OR51B5: variants seen among roughly 807,000 people sequenced by gnomAD.
OR51B5 encodes olfactory receptor 51B5.
For missense variants in OR51B5, 456 were observed against 374.6 expected (o/e 1.22, Z -1.79); for synonymous variants, 186 against 144.8 (o/e 1.28, Z -2.04).
intron 1 of OR51B5, among the ~76,000 whole-genome samples, chr11:5,425,671 T>C (rs1850438140): frequency 6.6e-6 from 1 of 152,214 alleles, no homozygotes; most frequent in African/African-American, 2.4e-5. Context: ...ACTATACTGG[T>C]CATATTTTGT....
chr11:5,501,689 C>T (rs1846292874), intron 1 of OR51B5, among the ~76,000 whole-genome samples: 1 of 148,330 alleles, frequency 6.7e-6, no homozygotes, highest in South Asian at 2.1e-4. Flanking sequence ...CTCACTAATT[C>T]ACTATCCTAT....
upstream of OR51B5, among the ~76,000 whole-genome samples, chr11:5,345,374 A>G (rs1848975531): frequency 6.6e-6 from 1 of 152,086 alleles, no homozygotes; most frequent in African/African-American, 2.4e-5. Context: ...TGAAAAAAAG[A>G]GAAAAATAGA....
intron 1 of OR51B5, chr11:5,402,702 C>T (rs1401001769): frequency 2.1e-6 from 1 of 471,234 alleles, no homozygotes; most frequent in African/African-American, 2.0e-5. Flanking sequence ...CCCCTTCTCC[C>T]TGATATACAT....
At chr11:5,415,535 T>G (rs1484755283) in intron 1 of OR51B5, among the ~76,000 whole-genome samples, 1 of 151,532 alleles carries the variant, frequency 6.6e-6, no homozygotes, top group Non-Finnish European at 1.5e-5. Context: ...CTAGCAAGAC[T>G]AATAAAGAAA....
In OR51B5 at chr11:5,440,846, G is replaced by A. The variant is rs766547926; in HGVS notation, n.84+64723C>T. On this transcript the variant is annotated intron_variant and non_coding_transcript_variant, in intron 1 of 4. Transcript: ENST00000415970. ...ATATGATGACCAGCATGGCTCTCAG[G>A]ATCAATGCGTAGGAAAGCAGGATGA... 8.1e-5 allele frequency: 130 copies of A among 1,613,694 alleles called. 1 individual carries two copies. The highest frequency in any genetic ancestry group is 1.1e-4 in the East Asian group (5 of 44,874).
intron 1 of OR51B5, among the ~76,000 whole-genome samples, chr11:5,465,350 G>C (rs969517303): frequency 1.3e-5 from 2 of 151,460 alleles, no homozygotes; most frequent in African/African-American, 2.4e-5. Context: ...TTCTCTGATG[G>C]CCAGTGATGG....
chr11:5,408,215 C>T (rs1468493637), intron 1 of OR51B5, among the ~76,000 whole-genome samples: 1 of 152,076 alleles, frequency 6.6e-6, no homozygotes, highest in African/African-American at 2.4e-5. Context: ...CTCTTCCTTG[C>T]TCACTCCAGT....
intron 1 of OR51B5, among the ~76,000 whole-genome samples, chr11:5,361,902 C>A (rs1849291579): frequency 6.6e-6 from 1 of 152,086 alleles, no homozygotes. Flanking sequence ...ATGTGTTCTA[C>A]CAAGTACTTA....
At chr11:5,372,189 T>C (rs1008530105) in intron 1 of OR51B5, among the ~76,000 whole-genome samples, 1 of 152,204 alleles carries the variant, frequency 6.6e-6, no homozygotes, top group Non-Finnish European at 1.5e-5. Context: ...ACTTAGATTG[T>C]TTCCATGTCT....
chr11:5,413,677 G>T (rs373437026), intron 1 of OR51B5, among the ~76,000 whole-genome samples: 2 of 152,180 alleles, frequency 1.3e-5, no homozygotes, highest in Non-Finnish European at 2.9e-5. Flanking sequence ...GGAAGAAAGG[G>T]TATCAGTGAT....
chr11:5,476,192 C>A (rs915166776), intron 1 of OR51B5, among the ~76,000 whole-genome samples: 1 of 152,196 alleles, frequency 6.6e-6, no homozygotes, highest in Non-Finnish European at 1.5e-5. Flanking sequence ...TATTTCCCCC[C>A]AGTAATAACA....
chr11:5,366,879 G>A (rs368615712), intron 1 of OR51B5, among the ~76,000 whole-genome samples: 1 of 152,162 alleles, frequency 6.6e-6, no homozygotes, highest in Admixed American at 6.5e-5. Flanking sequence ...GTTTAGGCAG[G>A]GGTGCTATCT....
At chr11:5,441,498 C>T (rs1187630456) in intron 1 of OR51B5, 2 of 1,611,154 alleles carry the variant, frequency 1.2e-6, no homozygotes, top group Non-Finnish European at 1.7e-6. Flanking sequence ...GAAGGGGGTG[C>T]CATTGAGACC....
At chr11:5,352,751 C>A (rs1849119198) in intron 1 of OR51B5, among the ~76,000 whole-genome samples, 1 of 150,892 alleles carries the variant, frequency 6.6e-6, no homozygotes, top group South Asian at 2.1e-4. Flanking sequence ...CACATACATA[C>A]ATACTTACAC....
At position 5,440,901 on chromosome 11, in the gene OR51B5, A is replaced by T. The variant is rs143586798; in HGVS notation, n.84+64668T>A. 3.7e-6 allele frequency: 6 copies of T among 1,613,836 alleles called. No homozygotes were observed. In the African/African-American group the frequency reaches 5.3e-5, roughly 14 times the overall value. ...TGAGTCCATACCATAGGTAAAAATG[A>T]TCACCAAGAGCCCATAAATGTTGTT... On this transcript the variant is annotated intron_variant and non_coding_transcript_variant, in intron 1 of 4. Transcript: ENST00000415970.
intron 1 of OR51B5, among the ~76,000 whole-genome samples, chr11:5,410,314 AAG>A (rs1379834246): frequency 6.6e-6 from 1 of 152,280 alleles, no homozygotes; most frequent in South Asian, 2.1e-4. Flanking sequence ...TGCAAAAAGA[AAG>A]AGATATCATT....
chr11:5,475,663 T>C (rs1490858263), intron 1 of OR51B5, among the ~76,000 whole-genome samples: 1 of 152,238 alleles, frequency 6.6e-6, no homozygotes, highest in East Asian at 1.9e-4. Flanking sequence ...TATGCATTTA[T>C]TGCCTTTCTT....
intron 1 of OR51B5, among the ~76,000 whole-genome samples, chr11:5,394,919 G>C (rs1038524313): frequency 6.6e-6 from 1 of 152,124 alleles, no homozygotes; most frequent in Admixed American, 6.6e-5. Context: ...ATAACTACCT[G>C]GTTGTAAAGA....
At chr11:5,438,136 G>T (rs1283983138) in intron 1 of OR51B5, among the ~76,000 whole-genome samples, 1 of 152,110 alleles carries the variant, frequency 6.6e-6, no homozygotes, top group Non-Finnish European at 1.5e-5. Flanking sequence ...GACAAAGAAG[G>T]AAACAAATGA....
Sources: allele counts gnomAD v4.1 joint callset (sites outside exome capture counted in the v4.1 genomes callset), GRCh38; gene constraint gnomAD v4.1.1; transcripts MANE v1.5; gene names NCBI Gene and HGNC (gene_info 2026-07-23, HGNC 2026-07-21).